Variants in ARHGAP26 observed in about 807,000 individuals in gnomAD.
ARHGAP26 encodes the protein rho GTPase-activating protein 26.
ARHGAP26 carries 38 observed loss-of-function variants against 104.8 expected under a neutral mutation model. The observed-to-expected ratio is 0.36, with a 90% CI of 0.28 to 0.48. The LOEUF is 0.48. Among genes scored for constraint, ARHGAP26 ranks in the 20% least tolerant of loss-of-function variants. The pLI, the probability that ARHGAP26 is intolerant of heterozygous loss-of-function variation, is 0.99. For missense variants in ARHGAP26, 704 were observed against 947.9 expected, an observed-to-expected ratio of 0.74 and a Z score of 3.38; for synonymous variants, 341 against 340.0, an observed-to-expected ratio of 1.00 and a Z score of -0.03.
intron 1 of ARHGAP26, among the ~76,000 whole-genome samples, chr5:142,835,637 G>C (rs940874717): frequency 1.3e-5 from 2 of 152,208 alleles, no homozygotes; most frequent in African/African-American, 4.8e-5. Flanking sequence ...TAATAGCAAG[G>C]AGTGGATCCT....
chr5:143,127,616 C>A (rs941554718), intron 18 of ARHGAP26, among the ~76,000 whole-genome samples: 13 of 152,182 alleles, frequency 8.5e-5, no homozygotes, highest in African/African-American at 3.1e-4. Flanking sequence ...TCCTAAGCAA[C>A]CTCGCATTCC....
intron 17 of ARHGAP26, among the ~76,000 whole-genome samples, chr5:143,097,323 G>C (rs549474500): frequency 2.3e-5 from 3 of 132,126 alleles, no homozygotes; most frequent in African/African-American, 8.9e-5. Flanking sequence ...CTGCACTCCA[G>C]CCTGGGCAAC....
At chr5:142,922,813 C>A (rs980909570) in intron 10 of ARHGAP26, among the ~76,000 whole-genome samples, 3 of 152,170 alleles carry the variant, frequency 2.0e-5, no homozygotes, top group Non-Finnish European at 4.4e-5. Flanking sequence ...TGGTTTCAGA[C>A]TTCCCCTCCC....
intron 10 of ARHGAP26, among the ~76,000 whole-genome samples, chr5:142,931,653 C>T (rs1764736527): frequency 6.6e-6 from 1 of 152,098 alleles, no homozygotes. Context: ...TATCTTGAGT[C>T]CAGTAATTCC....
At chr5:142,842,881 C>T (rs1444305798) in intron 1 of ARHGAP26, among the ~76,000 whole-genome samples, 1 of 152,186 alleles carries the variant, frequency 6.6e-6, no homozygotes. Context: ...AGAGATTATA[C>T]TAGTGATGGT....
At chr5:142,959,061 C>T (rs1408004502) in intron 11 of ARHGAP26, among the ~76,000 whole-genome samples, 1 of 152,080 alleles carries the variant, frequency 6.6e-6, no homozygotes, top group Non-Finnish European at 1.5e-5. Context: ...GCACTTCTCT[C>T]ATTTATAGAA....
At chr5:143,040,273 A>G (rs886912160) in intron 13 of ARHGAP26, among the ~76,000 whole-genome samples, 1 of 152,186 alleles carries the variant, frequency 6.6e-6, no homozygotes. Context: ...GATGTACATG[A>G]TTTTACAGGT....
chr5:143,091,504 C>T (rs1390111328), intron 17 of ARHGAP26, among the ~76,000 whole-genome samples: 3 of 152,140 alleles, frequency 2.0e-5, no homozygotes, highest in Non-Finnish European at 4.4e-5. Flanking sequence ...TCCTTTAGCA[C>T]CTATTTTTAT....
intron 22 of ARHGAP26, among the ~76,000 whole-genome samples, chr5:143,215,495 CA>C (rs139786686): frequency 0.027 from 4,091 of 152,258 alleles, 179 homozygotes; most frequent in African/African-American, 0.092. Flanking sequence ...ACAATTTACC[CA>C]TTTAAAATGT....
chr5:143,140,037 TCATAGA>T (rs1798332564), intron 19 of ARHGAP26, among the ~76,000 whole-genome samples: 2 of 152,230 alleles, frequency 1.3e-5, no homozygotes, highest in African/African-American at 4.8e-5. Flanking sequence ...GAACAGTGGT[TCATAGA>T]CTTGAGTGTG....
intron 22 of ARHGAP26, 90 bp from the exon 23 acceptor site, chr5:143,222,268 C>T: frequency 1.4e-6 from 1 of 722,388 alleles, no homozygotes; most frequent in Non-Finnish European, 2.2e-6. Flanking sequence ...CACACACACA[C>T]ACACACACAC....
chr5:142,892,101 T>C (rs529821984), intron 5 of ARHGAP26, among the ~76,000 whole-genome samples: 2 of 152,100 alleles, frequency 1.3e-5, no homozygotes, highest in East Asian at 3.9e-4. Flanking sequence ...ATTTCCCTGC[T>C]TGGAGTAAAC....
chr5:143,126,923 A>G (rs1796796224), intron 18 of ARHGAP26, among the ~76,000 whole-genome samples: 1 of 152,210 alleles, frequency 6.6e-6, no homozygotes, highest in Non-Finnish European at 1.5e-5. Context: ...CTTAAAACAT[A>G]AAGTAGGCAA....
At chr5:142,830,581 G>A (rs555977110) in intron 1 of ARHGAP26, among the ~76,000 whole-genome samples, 13 of 152,224 alleles carry the variant, frequency 8.5e-5, no homozygotes, top group African/African-American at 3.1e-4. Flanking sequence ...AATTAATATA[G>A]CTGTGCAGGT....
intron 1 of ARHGAP26, among the ~76,000 whole-genome samples, chr5:142,790,168 G>T (rs1759506397): frequency 6.6e-6 from 1 of 152,186 alleles, no homozygotes; most frequent in Non-Finnish European, 1.5e-5. Context: ...GATGCTAGTG[G>T]ATAGTGTAAA....
At chr5:142,816,206 A>G (rs935948099) in intron 1 of ARHGAP26, among the ~76,000 whole-genome samples, 1 of 152,208 alleles carries the variant, frequency 6.6e-6, no homozygotes, top group Admixed American at 6.5e-5. Context: ...TCATCATTAG[A>G]TGGAAAGCCC....
At chr5:143,074,333 A>G (rs1006754161) in intron 17 of ARHGAP26, among the ~76,000 whole-genome samples, 1 of 152,066 alleles carries the variant, frequency 6.6e-6, no homozygotes, top group Admixed American at 6.6e-5. Context: ...CCATTATAGA[A>G]CTTTCTCTTC....
At chr5:143,146,885 T>A (rs1384122261) in intron 19 of ARHGAP26, among the ~76,000 whole-genome samples, 9 of 152,016 alleles carry the variant, frequency 5.9e-5, no homozygotes, top group Non-Finnish European at 1.3e-4. Context: ...ATGTGAGGGG[T>A]CTGTGGAGGC....
At chr5:143,169,185 A>T (rs902110274) in intron 20 of ARHGAP26, among the ~76,000 whole-genome samples, 1 of 152,190 alleles carries the variant, frequency 6.6e-6, no homozygotes, top group African/African-American at 2.4e-5. Context: ...AAATTTCCCT[A>T]ATGTGACATC....
Sources: gnomAD v4.1 joint callset for allele counts (sites outside exome capture counted in the v4.1 genomes callset) on GRCh38, gnomAD v4.1.1 for gene constraint, MANE v1.5 for transcripts, NCBI Gene and HGNC (gene_info 2026-07-23, HGNC 2026-07-21) for gene names.